Variants in SFMBT2 observed in about 807,000 individuals in gnomAD.
SFMBT2 encodes the protein scm-like with four MBT domains protein 2.
In SFMBT2, 38 loss-of-function variants were observed where a neutral mutation model predicts 110.1. The observed-to-expected ratio is 0.35, with a 90% CI of 0.27 to 0.45. SFMBT2 has a LOEUF of 0.45. SFMBT2 is among the 20% of genes least tolerant of loss of function. SFMBT2 has a pLI of 1.00. For synonymous variants in SFMBT2, 425 were observed against 425.4 expected, an observed-to-expected ratio of 1.00 and a Z score of 0.01; for missense variants, 1,011 against 1,094.9, an observed-to-expected ratio of 0.92 and a Z score of 1.08.
At chr10:7,193,396 G>A (rs1298965819) in intron 15 of SFMBT2, among the ~76,000 whole-genome samples, 4 of 152,186 alleles carry the variant, frequency 2.6e-5, no homozygotes, top group African/African-American at 9.7e-5. Flanking sequence ...TAAATTCTAA[G>A]AAAAACCACA....
rs182248078 is a variant in SFMBT2, at chr10:7,171,861, C to G, written c.2415+34G>C. 1 of 1,389,752 alleles carries G rather than the reference C, an allele frequency of 7.2e-7. No homozygotes were observed. The highest frequency in any genetic ancestry group is 1.6e-5 in the South Asian group (1 of 61,170). The allele number at this position is 1,389,752 out of a possible 1,614,324, so 86.1% of individuals were successfully genotyped here. A position where few individuals can be genotyped will look rare whatever the true frequency, so the allele number is the denominator to read the frequency against. Reference sequence around the variant, plus strand: ...AACAGGTGTGCTTCTTCAGACCCAGCGGGAAGCCCTCTGTCCCCACGCCCG... The same window carrying G: ...AACAGGTGTGCTTCTTCAGACCCAGGGGGAAGCCCTCTGTCCCCACGCCCG... On this transcript the variant is annotated intron_variant, in intron 19 of 20. Transcript: ENST00000397167. This position sits in a 1 kb window ranked among gnomAD's most constrained non-coding sequence, Gnocchi z 4.9.
At chr10:7,234,487 C>T (rs914599338) in intron 9 of SFMBT2, among the ~76,000 whole-genome samples, 5 of 152,174 alleles carry the variant, frequency 3.3e-5, no homozygotes, top group African/African-American at 1.2e-4. Context: ...TCTTACAGAT[C>T]CTGAAGAATG....
At chr10:7,169,990 A>G (rs1258186803) in intron 20 of SFMBT2, among the ~76,000 whole-genome samples, 1 of 152,208 alleles carries the variant, frequency 6.6e-6, no homozygotes, top group Admixed American at 6.5e-5. Context: ...ACAATGACGA[A>G]AGCAGCATTC....
At chr10:7,197,425 G>T in intron 15 of SFMBT2, 123 bp downstream of exon 15, 1 of 1,319,650 alleles carries the variant, frequency 7.6e-7, no homozygotes, top group Non-Finnish European at 1.0e-6. Context: ...TGGAGAGAAC[G>T]GAGGTCTCGG....
intron 4 of SFMBT2, among the ~76,000 whole-genome samples, chr10:7,291,854 G>C (rs1364816581): frequency 6.6e-6 from 1 of 152,122 alleles, no homozygotes; most frequent in Non-Finnish European, 1.5e-5. Flanking sequence ...GGAAGAAGGA[G>C]AGAATCCGTG....
At chr10:7,357,043 C>A (rs1279519672) in intron 4 of SFMBT2, among the ~76,000 whole-genome samples, 1 of 152,184 alleles carries the variant, frequency 6.6e-6, no homozygotes, top group Non-Finnish European at 1.5e-5. Flanking sequence ...GAATTCCTAC[C>A]AGAGCTTTCT....
intron 4 of SFMBT2, among the ~76,000 whole-genome samples, chr10:7,315,971 C>T (rs562217552): frequency 6.6e-6 from 1 of 152,264 alleles, no homozygotes; most frequent in African/African-American, 2.4e-5. Context: ...ATCTATACAA[C>T]ACAGGGAAAA....
intron 4 of SFMBT2, among the ~76,000 whole-genome samples, chr10:7,359,092 G>A (rs776126734): frequency 2.4e-4 from 37 of 152,216 alleles, no homozygotes; most frequent in Admixed American, 3.9e-4. Context: ...GGGGAATAAA[G>A]GGAGGTCAAC....
intron 4 of SFMBT2, among the ~76,000 whole-genome samples, chr10:7,356,534 G>T (rs1213499800): frequency 1.3e-5 from 2 of 152,158 alleles, no homozygotes; most frequent in East Asian, 3.9e-4. Context: ...TCCTGCCTCA[G>T]CCTCCCAAGT....
At position 7,301,715 on chromosome 10, in the gene SFMBT2, G is replaced by A. The variant is rs1842563682; in HGVS notation, c.437-15761C>T. Among the ~76,000 whole-genome samples, 2 of 152,136 alleles carry A rather than the reference G, an allele frequency of 1.3e-5. No homozygotes were observed. The highest frequency in any genetic ancestry group is 2.9e-5 in the Non-Finnish European group (2 of 68,024). On this transcript the variant is annotated intron_variant, in intron 4 of 20. Transcript: ENST00000397167. The surrounding 1 kb of genome is among the most constrained non-coding windows in gnomAD (Gnocchi z 4.2). ...CAGAAACTGGTATTTCTTGACATGG[G>A]CTCCCCAGAAGTCACCTAGTATGAG...
chr10:7,255,984 T>A (rs1840993348), intron 7 of SFMBT2, among the ~76,000 whole-genome samples: 1 of 152,162 alleles, frequency 6.6e-6, no homozygotes, highest in Non-Finnish European at 1.5e-5. Context: ...GTCCCAGGCA[T>A]TTTGGATAAG....
chr10:7,194,189 T>A (rs761068210), intron 15 of SFMBT2, among the ~76,000 whole-genome samples: 1 of 152,112 alleles, frequency 6.6e-6, no homozygotes, highest in Non-Finnish European at 1.5e-5. Context: ...CAGTGGACCA[T>A]TGAGTGACTC....
In SFMBT2 at chr10:7,269,819, A is replaced by C. The variant is rs568673931; in HGVS notation, c.870+7073T>G. Among the ~76,000 whole-genome samples, 418 of 95,186 alleles carry C rather than the reference A, an allele frequency of 4.4e-3. 2 individuals are homozygous for C. The highest frequency in any genetic ancestry group is 0.013 in the African/African-American group (391 of 30,140). 62.4% of individuals were successfully genotyped at this position (95,186 alleles called of 152,430 possible). On this transcript the variant is annotated intron_variant, in intron 7 of 20. Coordinates refer to ENST00000397167, the MANE Select transcript of SFMBT2 (RefSeq NM_001387889.1). ...CTAGAACTTCTAAAAACTTGAGAGAAGATTTCTCTTTTTTTTTTTTTAAAT... is the reference window on the plus strand; with the variant it reads ...CTAGAACTTCTAAAAACTTGAGAGACGATTTCTCTTTTTTTTTTTTTAAAT...
At chr10:7,191,696 C>T (rs997832426) in intron 15 of SFMBT2, among the ~76,000 whole-genome samples, 1 of 152,148 alleles carries the variant, frequency 6.6e-6, no homozygotes, top group African/African-American at 2.4e-5. Flanking sequence ...CACCATCCAC[C>T]CCCACTAAGA....
intron 3 of SFMBT2, 136 bp downstream of exon 3, chr10:7,370,145 G>GT: frequency 1.5e-6 from 1 of 682,796 alleles, no homozygotes; most frequent in African/African-American, 1.8e-5. Flanking sequence ...GGGATTACAG[G>GT]TGTGAGCCAC....
chr10:7,183,598 C>T (rs760323998), intron 16 of SFMBT2, among the ~76,000 whole-genome samples: 13 of 152,164 alleles, frequency 8.5e-5, no homozygotes, highest in Non-Finnish European at 1.3e-4. Context: ...GCCATAAATT[C>T]CCTCTTTGGG....
At chr10:7,393,746 G>A (rs920468273) in intron 1 of SFMBT2, among the ~76,000 whole-genome samples, 8 of 152,188 alleles carry the variant, frequency 5.3e-5, no homozygotes, top group Admixed American at 5.2e-4. Flanking sequence ...GGATTCACGT[G>A]TCCAACTACA....
intron 2 of SFMBT2, among the ~76,000 whole-genome samples, chr10:7,376,008 A>AT (rs1845198029): frequency 6.6e-6 from 1 of 152,080 alleles, no homozygotes; most frequent in Non-Finnish European, 1.5e-5. Flanking sequence ...TCAAGCTCAC[A>AT]TTTTCAGCAT....
At chr10:7,369,118 G>T (rs1031172108) in intron 3 of SFMBT2, among the ~76,000 whole-genome samples, 6 of 152,116 alleles carry the variant, frequency 3.9e-5, no homozygotes, top group African/African-American at 1.2e-4. Flanking sequence ...GCTTGAGCCT[G>T]GAGTTCGAGG....
Sources: allele counts gnomAD v4.1 joint callset (sites outside exome capture counted in the v4.1 genomes callset), GRCh38; gene constraint gnomAD v4.1.1; non-coding constraint Gnocchi (gnomAD v3.1); transcripts MANE v1.5; gene names NCBI Gene and HGNC (gene_info 2026-07-23, HGNC 2026-07-21).